PLPBP: variants seen among roughly 807,000 people sequenced by gnomAD.
The protein encoded by PLPBP is pyridoxal phosphate homeostasis protein.
Under a neutral mutation model 31.2 loss-of-function variants are expected in PLPBP, and 21 were observed. The ratio of observed to expected loss-of-function variants is 0.67; its 90% CI spans 0.48 to 0.97. The LOEUF is 0.97. Among genes scored for constraint, PLPBP ranks in the 50% least tolerant of loss-of-function variants. The pLI is 0.00. For missense variants in PLPBP, 308 were observed against 354.4 expected, an observed-to-expected ratio of 0.87 and a Z score of 1.05; for synonymous variants, 124 against 135.6, an observed-to-expected ratio of 0.91 and a Z score of 0.59.
At chr8:37,772,499 T>A (rs80185435) in intron 4 of PLPBP, among the ~76,000 whole-genome samples, 16 of 152,184 alleles carry the variant, frequency 1.1e-4, no homozygotes, top group African/African-American at 3.9e-4. Context: ...TTCTTGAAGC[T>A]TATGGATGTA....
intron 4 of PLPBP, among the ~76,000 whole-genome samples, chr8:37,771,670 A>C (rs1454954183): frequency 1.3e-5 from 2 of 151,864 alleles, no homozygotes; most frequent in African/African-American, 4.8e-5. Context: ...CAAGTTAAAA[A>C]GCTCTTGCAG....
Position 37,762,693 on chromosome 8 carries a change from G to A in PLPBP, c.34G>A (p.Gly12Arg). Residue 12 changes from glycine (G) to arginine (R), a missense_variant, in exon 1 of 8, where the codon GGA becomes AGA. Gly to Arg is a moderately radical substitution (Grantham distance 125). This residue lies in a region of PLPBP where 120 missense variants were observed against 95.1 expected (regional missense o/e 1.26). Coordinates refer to ENST00000328195, the MANE Select transcript of PLPBP (RefSeq NM_007198.4). Reference protein sequence around the residue: ...WRAGSMSAELGVGCALRAVNE... With the variant: ...WRAGSMSAELRVGCALRAVNE... ...AGCTGGCAGCATGTCGGCCGAGCTG[G>A]GAGTCGGGTGCGCATTGCGGGCGGT... 6.3e-7 allele frequency: 1 copy of A among 1,590,716 alleles called. No homozygotes were observed. Among genetic ancestry groups the A allele is most frequent in the Non-Finnish European group, 8.5e-7 (1 of 1,172,482 alleles).
chr8:37,764,601 G>A lies in PLPBP; in HGVS notation c.100-925G>A, dbSNP rs1000556923. 3.3e-5 allele frequency among the ~76,000 whole-genome samples: 5 copies of A among 152,182 alleles called. No individual in the cohort carries two copies. The South Asian group carries it at 6.2e-4, about 19-fold the overall frequency. On this transcript the variant is annotated intron_variant, in intron 1 of 7. Transcript: ENST00000328195. ...CTCCCACAGTGCAGGGATTACAGGC[G>A]TGTGGCTCACCTGGCCATGCCACTG...
intron 1 of PLPBP, among the ~76,000 whole-genome samples, chr8:37,763,966 C>A (rs922702219): frequency 6.6e-6 from 1 of 151,804 alleles, no homozygotes; most frequent in Admixed American, 6.6e-5. Flanking sequence ...CGCATAGAAC[C>A]CCCGCTCTTT....
chr8:37,763,052 C>G (rs901455015), intron 1 of PLPBP, among the ~76,000 whole-genome samples: 1 of 152,184 alleles, frequency 6.6e-6, no homozygotes, highest in Non-Finnish European at 1.5e-5. Context: ...GGGTCGATAG[C>G]CTTGGCGGAT....
At chr8:37,776,345 G>A (rs779022554) in intron 7 of PLPBP, among the ~76,000 whole-genome samples, 55 of 151,636 alleles carry the variant, frequency 3.6e-4, no homozygotes, top group Non-Finnish European at 4.3e-4. Flanking sequence ...GCGTGGTGGC[G>A]CACGCCTGTA....
chr8:37,777,328 T>C (rs766718402), intron 7 of PLPBP, among the ~76,000 whole-genome samples: 2 of 152,218 alleles, frequency 1.3e-5, no homozygotes, highest in African/African-American at 2.4e-5. Context: ...TTTTTTCATC[T>C]ACCTGACCGT....
chr8:37,768,001 TTCA>T (rs1314353175), intron 4 of PLPBP, among the ~76,000 whole-genome samples: 2 of 151,882 alleles, frequency 1.3e-5, no homozygotes, highest in African/African-American at 4.8e-5. Context: ...GAGACAAGGT[TTCA>T]TCATATTGGC....
intron 3 of PLPBP, among the ~76,000 whole-genome samples, chr8:37,766,057 A>G (rs1490253720): frequency 6.6e-6 from 1 of 152,190 alleles, no homozygotes; most frequent in Non-Finnish European, 1.5e-5. Context: ...AATATCTGAA[A>G]GATGGAGGGA....
chr8:37,777,416 G>A (rs190216296), intron 7 of PLPBP, among the ~76,000 whole-genome samples: 154 of 152,088 alleles, frequency 1.0e-3, no homozygotes, highest in Non-Finnish European at 2.0e-3. Context: ...GACCCCCTCC[G>A]AGCTGAGTGC....
chr8:37,768,103 C>G (rs1296618039), intron 4 of PLPBP, among the ~76,000 whole-genome samples: 1 of 152,128 alleles, frequency 6.6e-6, no homozygotes, highest in Non-Finnish European at 1.5e-5. Flanking sequence ...CCATGCCCGG[C>G]CTATTGATTT....
intron 5 of PLPBP, chr8:37,775,048 A>C (rs2129808314): frequency 8.8e-6 from 2 of 227,796 alleles, no homozygotes; most frequent in South Asian, 3.2e-4. Flanking sequence ...GTATCCCAAA[A>C]AAGCAAGATT....
Position 37,778,168 on chromosome 8 carries a change from G to A in PLPBP, c.*64G>A. On this transcript the variant is annotated 3_prime_UTR_variant, in exon 8 of 8. Transcript: ENST00000328195. ...AGATTTTCATTTCGATATTCCCTGT[G>A]TCCCAGCGCAGTCCTGCTCTCCTGT... 3.8e-6 allele frequency: 6 copies of A among 1,574,934 alleles called. No homozygotes were observed. Among genetic ancestry groups the A allele is most frequent in the Non-Finnish European group, 5.2e-6 (6 of 1,154,964 alleles).
intron 4 of PLPBP, among the ~76,000 whole-genome samples, chr8:37,770,572 TTTTG>T (rs1265211369): frequency 7.2e-5 from 11 of 152,176 alleles, no homozygotes; most frequent in African/African-American, 9.6e-5. Context: ...TCTGGACAAA[TTTTG>T]TTTGTTTGTT....
At chr8:37,766,427 G>T in intron 4 of PLPBP, 72 bp downstream of exon 4, 2 of 1,479,266 alleles carry the variant, frequency 1.4e-6, no homozygotes, top group South Asian at 1.3e-5. Flanking sequence ...TTGTGGAAGA[G>T]AGAGCAACTT....
Position 37,779,494 on chromosome 8 carries a change from A to G in PLPBP, c.*1390A>G, listed in dbSNP as rs1297279136. 1 of 152,286 alleles carries G rather than the reference A, an allele frequency of 6.6e-6. No homozygotes were observed. The highest frequency in any genetic ancestry group is 1.5e-5 in the Non-Finnish European group (1 of 68,038). The allele number at this position is 152,286 out of a possible 1,614,324, so 9.4% of individuals were successfully genotyped here. On this transcript the variant is annotated 3_prime_UTR_variant, in exon 8 of 8. Transcript: ENST00000328195. ...AAAAACCCAAAAACACCATTCTCTA[A>G]TAGTCATGACAAATGGCTTCAGTAT...
In PLPBP at chr8:37,772,992, CA is replaced by C. The variant is rs747712669; in HGVS notation, c.454+106del. On this transcript the variant is annotated intron_variant, in intron 5 of 7. Transcript: ENST00000328195. ...TGTCTGATGGATAAGGTTATAGAAA[CA>C]AATCACAGGATCACAGGCCTCTAAG... The C allele has an allele frequency of 3.2e-4, 465 of 1,460,402 alleles. 3 individuals carry two copies. The highest frequency in any genetic ancestry group is 1.9e-4 in the Middle Eastern group (1 of 5,346). The allele number at this position is 1,460,402 out of a possible 1,614,324, so 90.5% of individuals were successfully genotyped here. A position where few individuals can be genotyped will look rare whatever the true frequency, so the allele number is the denominator to read the frequency against.
Position 37,779,143 on chromosome 8 carries a change from C to T in PLPBP, c.*1039C>T, listed in dbSNP as rs1292447627. The T allele has an allele frequency of 6.6e-6, 1 of 152,086 alleles. No individual in the cohort carries two copies. Among genetic ancestry groups the T allele is most frequent in the East Asian group, 1.9e-4 (1 of 5,186 alleles). 9.4% of individuals were successfully genotyped at this position (152,086 alleles called of 1,614,324 possible). The stretch of plus-strand genomic sequence containing the variant: ...AAATTAAAGGATAACATAAGGAGGA[C>T]TTGGGCCTTTCTGACATCATCCTGA... On this transcript the variant is annotated 3_prime_UTR_variant, in exon 8 of 8. Coordinates refer to ENST00000328195, the MANE Select transcript of PLPBP (RefSeq NM_007198.4).
rs1354245328 is a variant in PLPBP, at chr8:37,762,670, C to G, written c.11C>G (p.Ala4Gly). MWR[A>G]GSMSAELGVG... is the part of the protein sequence containing the mutation. ...GTCGGTCCCCGGGGGATGTGGAGAG[C>G]TGGCAGCATGTCGGCCGAGCTGGGA... is the stretch of plus-strand genomic sequence containing the variant. The change falls in exon 1 of 8, where the codon GCT becomes GGT. Residue 4 changes from alanine to glycine, a missense_variant. Transcript: ENST00000328195. The G allele has an allele frequency of 2.5e-6, 4 of 1,584,100 alleles. No individual in the cohort carries two copies. Among genetic ancestry groups the G allele is most frequent in the East Asian group, 2.3e-5 (1 of 43,904 alleles).
Sources: allele counts gnomAD v4.1 joint callset (sites outside exome capture counted in the v4.1 genomes callset), GRCh38; gene constraint gnomAD v4.1.1; regional missense constraint gnomAD v4.1.1; transcripts MANE v1.5; gene names NCBI Gene and HGNC (gene_info 2026-07-23, HGNC 2026-07-21).